The following DOK6 variants were observed in gnomAD, a reference collection of about 807,000 sequenced individuals.
The protein encoded by DOK6 is docking protein 6.
Under a neutral mutation model 44.0 loss-of-function variants are expected in DOK6, and 22 were observed. The observed-to-expected ratio is 0.50, with a 90% CI of 0.36 to 0.71. DOK6 has a LOEUF of 0.71. DOK6 is among the 30% of genes least tolerant of loss of function. DOK6 has a pLI of 0.00. For missense variants in DOK6, 340 were observed against 416.4 expected (o/e 0.82, Z 1.60); for synonymous variants, 166 against 145.5 (o/e 1.14, Z -1.01).
rs538884937 is a variant in DOK6, at chr18:69,510,585, T to A, written c.67-53902T>A. ...ATTTTATGAATGGCCATTACCAACG[T>A]GAATACATTGTGTCATGTCCAAAAT... On this transcript the variant is annotated intron_variant, in intron 1 of 7. Transcript: ENST00000382713. 2.1e-3 allele frequency among the ~76,000 whole-genome samples: 324 copies of A among 152,328 alleles called. 1 individual carries two copies. The highest frequency in any genetic ancestry group is 7.1e-3 in the African/African-American group (297 of 41,592).
rs66675484 is a variant in DOK6 at position 69,736,529 on chromosome 18, C to A, written c.600-2436C>A. Among the ~76,000 whole-genome samples, 9 of 152,056 alleles carry A rather than the reference C, an allele frequency of 5.9e-5. No homozygotes were observed. The East Asian group carries it at 1.2e-3, about 20-fold the overall frequency. On this transcript the variant is annotated intron_variant, in intron 5 of 7. Transcript: ENST00000382713. The stretch of plus-strand genomic sequence containing the variant: ...GATTACAATTGCAATTGTCTACAAA[C>A]ATCAATAGAATTCTAGTTTGAAGTC...
chr18:69,680,371 G>A (rs964167838), intron 4 of DOK6, among the ~76,000 whole-genome samples: 1 of 152,126 alleles, frequency 6.6e-6, no homozygotes, highest in African/African-American at 2.4e-5. Context: ...CCAAGGCCAC[G>A]GATACAGCCA....
chr18:69,811,551 T>A (rs1397799994), intron 7 of DOK6, among the ~76,000 whole-genome samples: 8 of 53,618 alleles, frequency 1.5e-4, no homozygotes, highest in African/African-American at 4.5e-4. Flanking sequence ...TATATATATA[T>A]ATATATATAT....
At chr18:69,587,081 A>G (rs931113902) in intron 2 of DOK6, among the ~76,000 whole-genome samples, 1 of 152,192 alleles carries the variant, frequency 6.6e-6, no homozygotes, top group African/African-American at 2.4e-5. Context: ...CGTTCATGTA[A>G]TAACTAACTC....
chr18:69,583,828 G>T (rs1983425570), intron 2 of DOK6, among the ~76,000 whole-genome samples: 2 of 152,066 alleles, frequency 1.3e-5, no homozygotes, highest in East Asian at 1.9e-4. Flanking sequence ...TAATATTTGG[G>T]CTGGGCGAGG....
At position 69,686,856 on chromosome 18, in the gene DOK6, C is replaced by T. The variant is rs140203034; in HGVS notation, c.409+9003C>T. ...CATATCATTCAGTGGTTTCAAATTA[C>T]ACAGTCATACTCAAGGAGAAACAGA... On this transcript the variant is annotated intron_variant, in intron 4 of 7. Transcript: ENST00000382713. 8.5e-5 allele frequency among the ~76,000 whole-genome samples: 13 copies of T among 152,054 alleles called. No homozygotes were observed. In the East Asian group the frequency reaches 2.3e-3, roughly 27 times the overall value.
chr18:69,429,447 T>C (rs12962080), intron 1 of DOK6, among the ~76,000 whole-genome samples: 26,690 of 151,324 alleles, frequency 0.18, 2,934 homozygotes, highest in Non-Finnish European at 0.25. Flanking sequence ...CATGGATATT[T>C]TATATTTCTA....
At chr18:69,649,073 C>T (rs893785876) in intron 3 of DOK6, among the ~76,000 whole-genome samples, 9 of 152,328 alleles carry the variant, frequency 5.9e-5, no homozygotes, top group African/African-American at 2.2e-4. Context: ...ACTTCTCTTA[C>T]CATCCACACA....
chr18:69,672,921 C>T (rs552458975), intron 3 of DOK6, among the ~76,000 whole-genome samples: 3 of 151,932 alleles, frequency 2.0e-5, no homozygotes, highest in Non-Finnish European at 1.5e-5. Context: ...CACAGCAAAG[C>T]ATGTATTTAA....
At chr18:69,805,316 C>T (rs1034500486) in intron 7 of DOK6, among the ~76,000 whole-genome samples, 2 of 151,914 alleles carry the variant, frequency 1.3e-5, no homozygotes, top group Non-Finnish European at 2.9e-5. Context: ...TAGGTTGTGT[C>T]CTTTTATAGA....
chr18:69,671,044 T>C (rs1291183597), intron 3 of DOK6, among the ~76,000 whole-genome samples: 2 of 152,152 alleles, frequency 1.3e-5, no homozygotes, highest in Non-Finnish European at 2.9e-5. Context: ...TCAGATCATT[T>C]ACTGGTGTCC....
At chr18:69,727,952 G>A (rs1028318867) in intron 5 of DOK6, among the ~76,000 whole-genome samples, 4 of 152,072 alleles carry the variant, frequency 2.6e-5, no homozygotes, top group Non-Finnish European at 5.9e-5. Context: ...AATCTTACAT[G>A]ACCTTATGGA....
chr18:69,743,253 G>A (rs1046866988), intron 6 of DOK6, among the ~76,000 whole-genome samples: 7 of 152,148 alleles, frequency 4.6e-5, no homozygotes, highest in African/African-American at 1.7e-4. Context: ...ATTTGAACAC[G>A]ATATGTTCAT....
intron 7 of DOK6, among the ~76,000 whole-genome samples, chr18:69,765,034 G>C (rs1441277347): frequency 6.6e-6 from 1 of 152,174 alleles, no homozygotes; most frequent in Non-Finnish European, 1.5e-5. Flanking sequence ...TAGGCAATTA[G>C]AATTAGAGAT....
chr18:69,778,300 G>A (rs1273426524), intron 7 of DOK6, among the ~76,000 whole-genome samples: 2 of 152,134 alleles, frequency 1.3e-5, no homozygotes, highest in African/African-American at 4.8e-5. Flanking sequence ...AGAAGCAGAT[G>A]CCGAGATGGG....
chr18:69,779,101 T>C (rs565263812), intron 7 of DOK6, among the ~76,000 whole-genome samples: 3 of 152,180 alleles, frequency 2.0e-5, no homozygotes, highest in Non-Finnish European at 4.4e-5. Flanking sequence ...TTTTTCTTGA[T>C]ATTTACGGTG....
chr18:69,595,031 A>G (rs761314721), intron 2 of DOK6, among the ~76,000 whole-genome samples: 2 of 152,184 alleles, frequency 1.3e-5, no homozygotes, highest in Non-Finnish European at 2.9e-5. Context: ...ATAAAATAAA[A>G]TATCTAGGAA....
Position 69,545,897 on chromosome 18 carries a change from TAGA to T in DOK6, c.67-18588_67-18586del, listed in dbSNP as rs556704414. Among the ~76,000 whole-genome samples, 54 of 151,572 alleles carry T rather than the reference TAGA, an allele frequency of 3.6e-4. 2 individuals are homozygous for T. The highest frequency in any genetic ancestry group is 4.1e-4 in the Non-Finnish European group (28 of 67,710). On this transcript the variant is annotated intron_variant, in intron 1 of 7. Transcript: ENST00000382713. ...CTTATGCTCTAAAAGAAACTAAACCTAGAATTTTAAAAAGTGTTGGTCCTATGA... is the reference window on the plus strand; with the variant it reads ...CTTATGCTCTAAAAGAAACTAAACCTATTTTAAAAAGTGTTGGTCCTATGA...
chr18:69,484,474 T>C (rs2144533751), intron 1 of DOK6, among the ~76,000 whole-genome samples: 1 of 152,288 alleles, frequency 6.6e-6, no homozygotes, highest in Admixed American at 6.5e-5. Context: ...TATTTTGTAT[T>C]TGTTCAATGA....
Sources: gnomAD v4.1 joint callset for allele counts (sites outside exome capture counted in the v4.1 genomes callset) on GRCh38, gnomAD v4.1.1 for gene constraint, MANE v1.5 for transcripts, NCBI Gene and HGNC (gene_info 2026-07-23, HGNC 2026-07-21) for gene names.